The following ADAMTS12 variants were observed in gnomAD, a reference collection of about 807,000 sequenced individuals.
The protein encoded by ADAMTS12 is A disintegrin and metalloproteinase with thrombospondin motifs 12.
A neutral mutation model predicts 167.8 loss-of-function variants in ADAMTS12; 118 were observed. The ratio of observed to expected loss-of-function variants is 0.70; its 90% CI spans 0.61 to 0.82. The LOEUF is 0.82. ADAMTS12 is among the 40% of genes least tolerant of loss of function. ADAMTS12 has a pLI of 0.00. For missense variants in ADAMTS12, 1,916 were observed against 1,998.8 expected (o/e 0.96, Z 0.79); for synonymous variants, 704 against 716.9 (o/e 0.98, Z 0.29).
intron 2 of ADAMTS12, among the ~76,000 whole-genome samples, chr5:33,868,054 G>A (rs1164916727): frequency 2.0e-5 from 3 of 151,920 alleles, no homozygotes; most frequent in Non-Finnish European, 4.4e-5. Flanking sequence ...CTTCCTCTTT[G>A]GCTTCCACCA....
intron 2 of ADAMTS12, among the ~76,000 whole-genome samples, chr5:33,783,556 C>T (rs533834095): frequency 1.3e-5 from 2 of 151,868 alleles, no homozygotes; most frequent in South Asian, 2.1e-4. Context: ...TCACTATCTG[C>T]CCCGCAGAAA....
At chr5:33,703,454 ATAGAG>A (rs1215832566) in intron 3 of ADAMTS12, among the ~76,000 whole-genome samples, 1 of 152,162 alleles carries the variant, frequency 6.6e-6, no homozygotes, top group Non-Finnish European at 1.5e-5. Context: ...TAAGTATATA[ATAGAG>A]TATTGTTAAT....
At chr5:33,778,344 T>G (rs1237892844) in intron 2 of ADAMTS12, among the ~76,000 whole-genome samples, 1 of 151,908 alleles carries the variant, frequency 6.6e-6, no homozygotes, top group East Asian at 1.9e-4. Flanking sequence ...ATGAAACAAA[T>G]AGAGAGCTCA....
At chr5:33,562,777 G>GTGTGCCA (rs1745811020) in intron 19 of ADAMTS12, among the ~76,000 whole-genome samples, 5 of 152,032 alleles carry the variant, frequency 3.3e-5, no homozygotes, top group Admixed American at 3.3e-4. Flanking sequence ...AATTACAGGT[G>GTGTGCCA]TGTGCCACCA....
intron 2 of ADAMTS12, among the ~76,000 whole-genome samples, chr5:33,870,760 T>G (rs995546649): frequency 6.6e-6 from 1 of 152,158 alleles, no homozygotes; most frequent in African/African-American, 2.4e-5. Context: ...GTTCTTGTGA[T>G]AGTGAGTGAG....
intron 3 of ADAMTS12, among the ~76,000 whole-genome samples, chr5:33,716,278 T>TG (rs1468800664): frequency 6.6e-6 from 1 of 152,124 alleles, no homozygotes; most frequent in Non-Finnish European, 1.5e-5. Flanking sequence ...AGACATTGAA[T>TG]CTACCTTCAC....
intron 2 of ADAMTS12, among the ~76,000 whole-genome samples, chr5:33,816,253 T>C (rs1476872719): frequency 6.6e-6 from 1 of 152,198 alleles, no homozygotes; most frequent in Non-Finnish European, 1.5e-5. Flanking sequence ...GAATACAATG[T>C]GGAATAATTA....
In ADAMTS12 at chr5:33,845,981, T is replaced by A. The variant is rs148659428; in HGVS notation, c.489+35138A>T. On this transcript the variant is annotated intron_variant, in intron 2 of 23. Coordinates refer to ENST00000504830, the MANE Select transcript of ADAMTS12 (RefSeq NM_030955.4). ...CCACAAAATGGCAGCTCCCCATACA[T>A]TAAGGATCCACTCCAATGACCCAAA... Among the ~76,000 whole-genome samples the A allele has an allele frequency of 1.6e-3, 236 of 152,226 alleles. 1 individual carries two copies. The highest frequency in any genetic ancestry group is 5.5e-3 in the African/African-American group (230 of 41,538).
At chr5:33,674,840 T>C (rs146840935) in intron 5 of ADAMTS12, among the ~76,000 whole-genome samples, 2 of 152,328 alleles carry the variant, frequency 1.3e-5, no homozygotes, top group African/African-American at 4.8e-5. Flanking sequence ...CTCAGATTGC[T>C]ATGGCTTGAA....
chr5:33,842,296 G>A (rs2591738), intron 2 of ADAMTS12, among the ~76,000 whole-genome samples: 3,280 of 152,218 alleles, frequency 0.022, 152 homozygotes, highest in East Asian at 0.2. Flanking sequence ...TTTCATCTTT[G>A]TTGTGGTCCT....
intron 2 of ADAMTS12, among the ~76,000 whole-genome samples, chr5:33,766,930 C>G (rs1315888671): frequency 1.3e-5 from 2 of 152,110 alleles, no homozygotes; most frequent in African/African-American, 4.8e-5. Flanking sequence ...TCCCAACACT[C>G]CATCTGTAAA....
chr5:33,636,467 T>C (rs889171334), intron 12 of ADAMTS12, among the ~76,000 whole-genome samples: 6 of 152,284 alleles, frequency 3.9e-5, no homozygotes, highest in South Asian at 2.1e-4. Flanking sequence ...TTTTCCCCTC[T>C]AGATCATAAA....
At chr5:33,821,384 A>G (rs1316622350) in intron 2 of ADAMTS12, among the ~76,000 whole-genome samples, 1 of 152,014 alleles carries the variant, frequency 6.6e-6, no homozygotes, top group Non-Finnish European at 1.5e-5. Flanking sequence ...GCATTTCTCT[A>G]TTTTTTGGCA....
chr5:33,677,674 T>C (rs1205974075), intron 5 of ADAMTS12, among the ~76,000 whole-genome samples: 4 of 152,206 alleles, frequency 2.6e-5, no homozygotes, highest in Admixed American at 2.6e-4. Context: ...AATTCAGGGA[T>C]AGACAGGGAC....
intron 22 of ADAMTS12, among the ~76,000 whole-genome samples, chr5:33,536,662 C>T (rs1015875368): frequency 2.0e-5 from 3 of 152,194 alleles, no homozygotes; most frequent in Non-Finnish European, 2.9e-5. Context: ...CTCATTATCC[C>T]TCCATTCTTT....
chr5:33,763,161 A>G (rs1745415914), intron 2 of ADAMTS12, among the ~76,000 whole-genome samples: 1 of 152,182 alleles, frequency 6.6e-6, no homozygotes, highest in African/African-American at 2.4e-5. Flanking sequence ...TCAACGTCCT[A>G]ATCCCTGGAA....
chr5:33,815,681 G>A (rs1747626136), intron 2 of ADAMTS12, among the ~76,000 whole-genome samples: 1 of 152,246 alleles, frequency 6.6e-6, no homozygotes, highest in Admixed American at 6.5e-5. Context: ...GAGCAAGGCA[G>A]ATATCCTGGG....
chr5:33,701,544 G>A (rs113245301), intron 3 of ADAMTS12, among the ~76,000 whole-genome samples: 5 of 152,144 alleles, frequency 3.3e-5, no homozygotes, highest in Non-Finnish European at 5.9e-5. Flanking sequence ...GATTCAATAC[G>A]AAGTTACTCA....
chr5:33,742,140 G>A (rs1330395635), intron 3 of ADAMTS12, among the ~76,000 whole-genome samples: 2 of 152,044 alleles, frequency 1.3e-5, no homozygotes, highest in Non-Finnish European at 2.9e-5. Flanking sequence ...TGAGGAAAAG[G>A]AGGTCAATCA....
Sources: gnomAD v4.1 joint callset for allele counts (sites outside exome capture counted in the v4.1 genomes callset) on GRCh38, gnomAD v4.1.1 for gene constraint, MANE v1.5 for transcripts, NCBI Gene and HGNC (gene_info 2026-07-23, HGNC 2026-07-21) for gene names.